Variants in DTNA observed in about 807,000 individuals in gnomAD.
DTNA encodes the protein dystrophin-related protein 3.
DTNA carries 43 observed loss-of-function variants against 100.7 expected under a neutral mutation model. The observed-to-expected ratio is 0.43, with a 90% CI of 0.33 to 0.55. The LOEUF (loss-of-function observed/expected upper bound fraction) is 0.55, where lower values mean the gene tolerates loss of function less well. DTNA is among the 20% of genes least tolerant of loss of function. The probability of loss-of-function intolerance (pLI) is 0.04; values close to 1 mark genes in which losing one functional copy is unlikely to be tolerated. For synonymous variants in DTNA, 349 were observed against 347.9 expected (o/e 1.00, Z -0.04); for missense variants, 798 against 953.9 (o/e 0.84, Z 2.15).
At chr18:34,775,800 C>A (rs1338160520) in intron 3 of DTNA, among the ~76,000 whole-genome samples, 1 of 152,188 alleles carries the variant, frequency 6.6e-6, no homozygotes, top group Non-Finnish European at 1.5e-5. Context: ...TCTTGTGATA[C>A]CCTGAGCAGG....
chr18:34,862,140 A>AAAAAAAAAAAG (rs1555881848), intron 16 of DTNA, among the ~76,000 whole-genome samples: 1 of 146,926 alleles, frequency 6.8e-6, no homozygotes. Context: ...AAAAAAAAAA[A>AAAAAAAAAAAG]AAAGAGAAAG....
chr18:34,574,537 C>A (rs569025216), intron 1 of DTNA: 1 of 152,408 alleles, frequency 6.6e-6, no homozygotes, highest in Non-Finnish European at 1.5e-5. Flanking sequence ...CAGGAGGCAT[C>A]GCTGGGGCCG....
At chr18:34,592,779 TTC>T (rs2049887647) in intron 1 of DTNA, among the ~76,000 whole-genome samples, 1 of 152,182 alleles carries the variant, frequency 6.6e-6, no homozygotes, top group African/African-American at 2.4e-5. Flanking sequence ...AATTTGTCAT[TTC>T]TCTTTCTTAC....
chr18:34,804,270 AGAG>A (rs1461113018), intron 4 of DTNA, among the ~76,000 whole-genome samples: 1 of 152,204 alleles, frequency 6.6e-6, no homozygotes, highest in African/African-American at 2.4e-5. Context: ...AAATGGTAGC[AGAG>A]GAGACTAGAC....
rs3078085 is a variant in DTNA, at chr18:34,592,467, A to AACACACACACACACAC, written c.-2+98977_-2+98992dup. Among the ~76,000 whole-genome samples the AACACACACACACACAC allele has an allele frequency of 9.5e-3, 1,327 of 139,480 alleles. 11 individuals carry two copies. Among genetic ancestry groups the AACACACACACACACAC allele is most frequent in the South Asian group, 0.015 (66 of 4,316 alleles). 91.5% of individuals were successfully genotyped at this position (139,480 alleles called of 152,430 possible). ...TCTTCTTTTAGATATACACTTGTAT[A>AACACACACACACACAC]ACACACACACACACACACACACACA... On this transcript the variant is annotated intron_variant, in intron 1 of 19. Transcript: ENST00000283365.
intron 1 of DTNA, among the ~76,000 whole-genome samples, chr18:34,550,332 G>A (rs2045271579): frequency 6.6e-6 from 1 of 152,078 alleles, no homozygotes; most frequent in Non-Finnish European, 1.5e-5. Flanking sequence ...ACTAGAAGGT[G>A]CATGGAGTGG....
At chr18:34,686,440 T>C (rs182874223) in intron 1 of DTNA, among the ~76,000 whole-genome samples, 2 of 152,280 alleles carry the variant, frequency 1.3e-5, no homozygotes, top group Admixed American at 1.3e-4. Flanking sequence ...ATGGACTACG[T>C]TTATTGATTT....
At chr18:34,703,611 C>T (rs2081696515) in intron 1 of DTNA, among the ~76,000 whole-genome samples, 1 of 152,130 alleles carries the variant, frequency 6.6e-6, no homozygotes, top group Non-Finnish European at 1.5e-5. Context: ...GCATGCCTCC[C>T]AGATTGACTC....
chr18:34,737,566 A>G (rs1389604774), intron 1 of DTNA, among the ~76,000 whole-genome samples: 3 of 152,150 alleles, frequency 2.0e-5, no homozygotes, highest in Non-Finnish European at 2.9e-5. Flanking sequence ...GGAGCCTCCC[A>G]ATTCTTGGGA....
At position 34,763,092 on chromosome 18, in the gene DTNA, G is replaced by T. The variant is rs2093281958; in HGVS notation, c.68-2869G>T. ...CACATCACAAACATTTTTTCATCTG[G>T]AGCTTAAATCATTATGCTTGAAGAA... On this transcript the variant is annotated intron_variant, in intron 2 of 22. Transcript: ENST00000444659. 2.0e-5 allele frequency among the ~76,000 whole-genome samples: 3 copies of T among 152,246 alleles called. No homozygotes were observed. In the South Asian group the frequency reaches 6.2e-4, roughly 32 times the overall value.
intron 1 of DTNA, among the ~76,000 whole-genome samples, chr18:34,559,034 C>G (rs2046393050): frequency 6.6e-6 from 1 of 152,096 alleles, no homozygotes. Flanking sequence ...AACAGTTTCA[C>G]CAGTAGAAGC....
intron 10 of DTNA, chr18:34,829,047 C>T (rs201788110): frequency 6.5e-5 from 105 of 1,613,968 alleles, no homozygotes; most frequent in Non-Finnish European, 8.2e-5. Flanking sequence ...TCAGCTCGGA[C>T]GGTGCTTTTG....
chr18:34,584,532 C>T (rs1055316378), intron 1 of DTNA, among the ~76,000 whole-genome samples: 6 of 152,084 alleles, frequency 3.9e-5, no homozygotes, highest in African/African-American at 1.2e-4. Flanking sequence ...ATGAGAGACT[C>T]TTCTAGAGGT....
At chr18:34,625,035 AT>A (rs1201084306) in intron 1 of DTNA, among the ~76,000 whole-genome samples, 5,335 of 133,448 alleles carry the variant, frequency 0.04, 148 homozygotes, top group African/African-American at 0.077. Context: ...CAGCCAGTTA[AT>A]TTTTTTTTTT....
chr18:34,713,358 G>A lies in DTNA; in HGVS notation c.-2+2913G>A, dbSNP rs190574879. Among the ~76,000 whole-genome samples, 5 of 152,132 alleles carry A rather than the reference G, an allele frequency of 3.3e-5. No homozygotes were observed. In the East Asian group the frequency reaches 9.6e-4, roughly 29 times the overall value. On this transcript the variant is annotated intron_variant, in intron 1 of 22. Transcript: ENST00000444659. ...TAAGTCACTAGGAATAGAGGTGCTT[G>A]GTATGTTATTATCAGACTTTATTAT... is the stretch of plus-strand genomic sequence containing the variant.
At chr18:34,886,457 T>C (rs2096922435) in intron 22 of DTNA, among the ~76,000 whole-genome samples, 2 of 152,222 alleles carry the variant, frequency 1.3e-5, no homozygotes, top group African/African-American at 4.8e-5. Context: ...GGCCTTTTCC[T>C]TTAATAGCAC....
Position 34,815,873 on chromosome 18 carries a change from C to G in DTNA, c.604-36C>G, listed in dbSNP as rs183288263. 4.9e-5 allele frequency: 76 copies of G among 1,555,116 alleles called. No homozygotes were observed. In the Middle Eastern group the frequency reaches 5.0e-4, roughly 10 times the overall value. ...ACATAGCAGGTAAATTGAGATGATTCTCTGTCCTAAATTTATGGGGGGTTT... is the reference window on the plus strand; with the variant it reads ...ACATAGCAGGTAAATTGAGATGATTGTCTGTCCTAAATTTATGGGGGGTTT... On this transcript the variant is annotated intron_variant, in intron 6 of 22. Transcript: ENST00000444659.
chr18:34,715,605 G>A (rs2083881363), intron 1 of DTNA, among the ~76,000 whole-genome samples: 1 of 151,978 alleles, frequency 6.6e-6, no homozygotes, highest in South Asian at 2.1e-4. Context: ...AGAAAATACT[G>A]GATGGATTGG....
At chr18:34,573,555 G>T (rs12953602) in intron 1 of DTNA, among the ~76,000 whole-genome samples, 15,598 of 152,172 alleles carry the variant, frequency 0.1, 1,175 homozygotes, top group African/African-American at 0.2. Flanking sequence ...TGGATAAAGG[G>T]TAGGCTCTTT....
Sources: allele counts gnomAD v4.1 joint callset (sites outside exome capture counted in the v4.1 genomes callset), GRCh38; gene constraint gnomAD v4.1.1; transcripts MANE v1.5; gene names NCBI Gene and HGNC (gene_info 2026-07-23, HGNC 2026-07-21).